MYO9B: variants seen among roughly 807,000 people sequenced by gnomAD.
The protein encoded by MYO9B is myosin IXB.
Under a neutral mutation model 229.5 loss-of-function variants are expected in MYO9B, and 71 were observed. That is an observed-to-expected ratio of 0.31 (90% CI 0.26 to 0.38). MYO9B has a LOEUF of 0.38. MYO9B is among the 10% of genes least tolerant of loss of function. The pLI, the probability that MYO9B is intolerant of heterozygous loss-of-function variation, is 1.00. For missense variants in MYO9B, 2,255 were observed against 2,920.5 expected (o/e 0.77, Z 5.25); for synonymous variants, 1,185 against 1,235.8 (o/e 0.96, Z 0.86).
chr19:17,185,111 C>T, intron 17 of MYO9B, 124 bp downstream of exon 17: 1 of 1,396,492 alleles, frequency 7.2e-7, no homozygotes, highest in Non-Finnish European at 9.8e-7. Flanking sequence ...CGCGGTGGCT[C>T]AAGCCTGTAA....
chr19:17,108,638 A>G (rs1006593156), intron 2 of MYO9B, among the ~76,000 whole-genome samples: 12 of 152,170 alleles, frequency 7.9e-5, no homozygotes, highest in African/African-American at 1.4e-4. Context: ...ATAAGACCCA[A>G]TCACTGTTCA....
intron 13 of MYO9B, among the ~76,000 whole-genome samples, chr19:17,174,375 A>C (rs111822269): frequency 0.063 from 9,536 of 151,456 alleles, 392 homozygotes; most frequent in Non-Finnish European, 0.094. Context: ...CAGTGGCTCA[A>C]GCCTGAAATC....
intron 18 of MYO9B, among the ~76,000 whole-genome samples, chr19:17,186,764 T>A (rs1462717796): frequency 6.6e-6 from 1 of 152,184 alleles, no homozygotes; most frequent in Non-Finnish European, 1.5e-5. Flanking sequence ...AGAATCTCCC[T>A]CTGTCACCCA....
chr19:17,192,958 C>G lies in MYO9B; in HGVS notation c.3024C>G (p.Leu1008=). Residue 1008 remains leucine (L), a synonymous_variant, in exon 21 of 40, where the codon CTC becomes CTG. Coordinates refer to ENST00000682292, the MANE Select transcript of MYO9B (RefSeq NM_004145.4). ...AGAGGACGCAGGCTGCCGTGTACCT[C>G]CAGGCCTCATGGAGGGGCTACTGGC... ...ALERTQAAVY[L]QASWRGYWQR... is the part of the protein sequence containing the mutation. The G allele has an allele frequency of 2.6e-6, 4 of 1,535,732 alleles. No individual in the cohort carries two copies. The highest frequency in any genetic ancestry group is 3.5e-6 in the Non-Finnish European group (4 of 1,136,244).
chr19:17,094,486 A>G (rs1374241306), intron 1 of MYO9B, among the ~76,000 whole-genome samples: 1 of 152,166 alleles, frequency 6.6e-6, no homozygotes, highest in African/African-American at 2.4e-5. Flanking sequence ...GCCTCTTGGC[A>G]TCCCTCCCCA....
intron 3 of MYO9B, among the ~76,000 whole-genome samples, chr19:17,146,329 G>T (rs1379528583): frequency 6.6e-6 from 1 of 150,914 alleles, no homozygotes; most frequent in African/African-American, 2.4e-5. Context: ...TTCATGGGTA[G>T]GTGAATGAAT....
intron 2 of MYO9B, among the ~76,000 whole-genome samples, chr19:17,132,454 G>A (rs999856858): frequency 2.0e-5 from 3 of 149,140 alleles, no homozygotes; most frequent in African/African-American, 7.4e-5. Flanking sequence ...CCAAAGTGGT[G>A]GAATTACAGG....
chr19:17,145,661 G>C (rs2072400157), intron 3 of MYO9B, among the ~76,000 whole-genome samples, 170 bp downstream of exon 3: 1 of 152,176 alleles, frequency 6.6e-6, no homozygotes, highest in Non-Finnish European at 1.5e-5. Flanking sequence ...TGGAACAGTA[G>C]GTTGAAGTAG....
chr19:17,206,225 G>GGGGGGCCCCCCC, intron 32 of MYO9B, 23 bp from the exon 33 acceptor site: 10 of 1,564,658 alleles, frequency 6.4e-6, no homozygotes, highest in Non-Finnish European at 8.7e-6. Flanking sequence ...CCGCTCACCA[G>GGGGGGCCCCCCC]ACCCACCCCA....
chr19:17,190,010 A>G (rs2072964123), intron 19 of MYO9B, among the ~76,000 whole-genome samples: 1 of 148,852 alleles, frequency 6.7e-6, no homozygotes, highest in African/African-American at 2.5e-5. Flanking sequence ...GCTTGCAGTG[A>G]GCCAAGATTG....
At chr19:17,092,752 A>G (rs931660974) in intron 1 of MYO9B, among the ~76,000 whole-genome samples, 4 of 150,502 alleles carry the variant, frequency 2.7e-5, no homozygotes, top group African/African-American at 9.8e-5. Context: ...AAGCGCTTGC[A>G]CATATGTTTT....
intron 2 of MYO9B, among the ~76,000 whole-genome samples, chr19:17,111,136 CAGTT>C (rs1182516991): frequency 3.3e-5 from 5 of 152,288 alleles, no homozygotes; most frequent in African/African-American, 1.2e-4. Flanking sequence ...GGGCAAGACA[CAGTT>C]GGATGCCAGC....
intron 36 of MYO9B, 140 bp downstream of exon 36, chr19:17,209,849 T>TGCCCA: frequency 8.6e-7 from 1 of 1,166,996 alleles, no homozygotes; most frequent in Non-Finnish European, 1.2e-6. Context: ...GGGCAGGACC[T>TGCCCA]CCCATGCCGA....
At chr19:17,182,404 T>C (rs2072871598) in intron 15 of MYO9B, among the ~76,000 whole-genome samples, 1 of 151,940 alleles carries the variant, frequency 6.6e-6, no homozygotes, top group African/African-American at 2.4e-5. Flanking sequence ...TGTTTAAAAC[T>C]TCTGTTCCTT....
Position 17,188,059 on chromosome 19 carries a change from A to T in MYO9B, c.2688+14A>T. The T allele has an allele frequency of 6.4e-7, 1 of 1,565,348 alleles. No homozygotes were observed. Among genetic ancestry groups the T allele is most frequent in the Non-Finnish European group, 8.7e-7 (1 of 1,152,574 alleles). On this transcript the variant is annotated intron_variant, in intron 19 of 39. Coordinates refer to ENST00000682292, the MANE Select transcript of MYO9B (RefSeq NM_004145.4). ...TACACGTTCCAGGTAGGCCACAAGC[A>T]CATATACCTGGACACACCTGTTCCG...
Position 17,135,378 on chromosome 19 carries a change from G to A in MYO9B, c.841-10019G>A, listed in dbSNP as rs550982760. Reference sequence around the variant, plus strand: ...CATGGCATCCGCCTTCCCGGTGCGTGTGCCAGATTATATCGCATAGTTGTT... The same window carrying A: ...CATGGCATCCGCCTTCCCGGTGCGTATGCCAGATTATATCGCATAGTTGTT... On this transcript the variant is annotated intron_variant, in intron 2 of 39. Coordinates refer to ENST00000682292, the MANE Select transcript of MYO9B (RefSeq NM_004145.4). Among the ~76,000 whole-genome samples the A allele has an allele frequency of 3.3e-5, 5 of 152,192 alleles. No individual in the cohort carries two copies. The South Asian group carries it at 8.3e-4, about 25-fold the overall frequency.
In MYO9B at chr19:17,192,940, G is replaced by A. The variant is rs1417067579; in HGVS notation, c.3006G>A (p.Thr1002=). 4.5e-6 allele frequency: 7 copies of A among 1,544,644 alleles called. No homozygotes were observed. The highest frequency in any genetic ancestry group is 6.1e-6 in the Non-Finnish European group (7 of 1,143,424). Residue 1002 remains threonine (T), a synonymous_variant, in exon 21 of 40, where the codon ACG becomes ACA. Coordinates refer to ENST00000682292, the MANE Select transcript of MYO9B (RefSeq NM_004145.4). ...GGGTCCGGAGGGCGCTGGAGAGGAC[G>A]CAGGCTGCCGTGTACCTCCAGGCCT... ...SYRVRRALER[T]QAAVYLQASW... is the part of the protein sequence containing the mutation.
rs2072571887 is a variant in MYO9B at position 17,159,269 on chromosome 19, G to C, written c.1330-126G>C. ...GGTGGGCTTCAGGTCCCACTTCTAG[G>C]CCTGGCTGCTGGGGGTCCGTCTCCC... On this transcript the variant is annotated intron_variant, in intron 7 of 39. Coordinates refer to ENST00000682292, the MANE Select transcript of MYO9B (RefSeq NM_004145.4). 4.9e-6 allele frequency: 4 copies of C among 810,328 alleles called. No homozygotes were observed. The South Asian group carries it at 6.4e-5, about 13-fold the overall frequency. The allele number at this position is 810,328 out of a possible 1,614,324, so 50.2% of individuals were successfully genotyped here. A position where few individuals can be genotyped will look rare whatever the true frequency, so the allele number is the denominator to read the frequency against.
chr19:17,162,487 C>G, intron 9 of MYO9B, 21 bp downstream of exon 9: 2 of 1,543,756 alleles, frequency 1.3e-6, no homozygotes, highest in East Asian at 2.4e-5. Flanking sequence ...CCATTTGCTT[C>G]CTCAAGCCCG....
Sources: gnomAD v4.1 joint callset for allele counts (sites outside exome capture counted in the v4.1 genomes callset) on GRCh38, gnomAD v4.1.1 for gene constraint, MANE v1.5 for transcripts, NCBI Gene and HGNC (gene_info 2026-07-23, HGNC 2026-07-21) for gene names.